The following C9orf152 variants were observed in gnomAD, a reference collection of about 807,000 sequenced individuals.
The protein encoded by C9orf152 is chromosome 9 open reading frame 152.
In C9orf152, 8 loss-of-function variants were observed where a neutral mutation model predicts 8.5. That is an observed-to-expected ratio of 0.94 (90% confidence interval 0.55 to 1.70). The LOEUF (loss-of-function observed/expected upper bound fraction) is 1.70, where lower values mean the gene tolerates loss of function less well. Ranked by LOEUF, C9orf152 falls within the 40% of genes most tolerant of loss-of-function variation. The pLI is 0.00. For missense variants in C9orf152, 293 were observed against 286.2 expected, an observed-to-expected ratio of 1.02 and a Z score of -0.17; for synonymous variants, 109 against 113.0, an observed-to-expected ratio of 0.96 and a Z score of 0.22.
rs2118497120 is a variant in C9orf152, at chr9:110,201,046, G to A, written c.622C>T (p.His208Tyr). 2 of 1,614,232 alleles carry A rather than the reference G, an allele frequency of 1.2e-6. No homozygotes were observed. The highest frequency in any genetic ancestry group is 2.2e-5 in the East Asian group (1 of 44,888). Residue 208 changes from histidine to tyrosine, a missense_variant, in exon 2 of 2, where the codon CAC (histidine) becomes TAC (tyrosine). By Grantham distance (83) the His-to-Tyr change is moderately conservative. Transcript: ENST00000400613. ...TAGTAAGCTGGTTTGCCAGACCTGT[G>A]TGGGTTCTTTATGGAAAGAGGACAT... Reference protein sequence around the residue: ...TQCPLSIKNPHRSGKPAYYPF... With the variant: ...TQCPLSIKNPYRSGKPAYYPF...
rs76016983 is a variant in C9orf152, at chr9:110,201,523, G to A, written c.194-49C>T. On this transcript the variant is annotated intron_variant, in intron 1 of 1. Transcript: ENST00000400613. ...GGTCATCACTGGAAGGGACAGGGGC[G>A]GCTCTCACTTAGGGGGTCTCATTGC... 1.4e-3 allele frequency: 1,993 copies of A among 1,463,002 alleles called. 22 individuals carry two copies. The African/African-American group carries it at 0.024, about 17-fold the overall frequency. 90.6% of individuals were successfully genotyped at this position (1,463,002 alleles called of 1,614,324 possible).
intron 1 of C9orf152, among the ~76,000 whole-genome samples, chr9:110,202,584 T>C (rs1837235376): frequency 6.6e-6 from 1 of 152,162 alleles, no homozygotes; most frequent in East Asian, 1.9e-4. Flanking sequence ...CTTTTCTTTC[T>C]TGGGGACTTT....
intron 1 of C9orf152, among the ~76,000 whole-genome samples, chr9:110,205,058 A>C (rs1327959320): frequency 1.3e-5 from 2 of 151,956 alleles, no homozygotes; most frequent in African/African-American, 4.8e-5. Flanking sequence ...GTATTCCAGA[A>C]CTCTAATTTT....
chr9:110,202,010 C>T (rs527520145), intron 1 of C9orf152, among the ~76,000 whole-genome samples: 131 of 152,278 alleles, frequency 8.6e-4, no homozygotes, highest in African/African-American at 3.1e-3. Flanking sequence ...TGTGGGTTCA[C>T]ATATTCTCAC....
intron 1 of C9orf152, among the ~76,000 whole-genome samples, chr9:110,204,831 A>T (rs1345745925): frequency 6.6e-6 from 1 of 151,712 alleles, no homozygotes; most frequent in Non-Finnish European, 1.5e-5. Flanking sequence ...AAATATGACT[A>T]CTCTACATAC....
chr9:110,200,926 A>G lies in C9orf152; in HGVS notation c.*22T>C, dbSNP rs1837208841. The G allele has an allele frequency of 6.4e-7, 1 of 1,570,556 alleles. No individual in the cohort carries two copies. ...GGCCATAGGTGGCCTCAAGGTCAAG[A>G]CATCTGGCAGAATAGAAAGCTTCAC... On this transcript the variant is annotated 3_prime_UTR_variant, in exon 2 of 2. Coordinates refer to ENST00000400613, the MANE Select transcript of C9orf152 (RefSeq NM_001012993.3).
In C9orf152 at chr9:110,207,536, C is replaced by T; in HGVS notation, c.44G>A (p.Trp15Ter). 6.2e-7 allele frequency: 1 copy of T among 1,607,630 alleles called. No individual in the cohort carries two copies. The highest frequency in any genetic ancestry group is 1.1e-5 in the South Asian group (1 of 89,964). The change falls in exon 1 of 2, where the codon TGG (tryptophan) becomes TAG (stop). Residue 15 changes from tryptophan (W) to a stop codon, truncating the protein, a stop_gained. Transcript: ENST00000400613. LOFTEE classifies it high-confidence loss of function. ...PCPCPALPHF[W>*]QLRSHLMAEG... The stretch of plus-strand genomic sequence containing the variant: ...AGCCATTAAGTGAGACCTAAGCTGC[C>T]AGAAGTGGGGCAGGGCTGGGCACGG...
chr9:110,207,571 C>T lies in C9orf152; in HGVS notation c.9G>A (p.Gly3=), dbSNP rs775114332. ME[G]LPCPCPALPH... ...GCAGGGCTGGGCACGGGCAGGGCAA[C>T]CCCTCCATCCGGATCCGGGAGAAAA... Residue 3 remains glycine, a synonymous_variant, in exon 1 of 2, where the codon GGG becomes GGA. Transcript: ENST00000400613. 6.3e-7 allele frequency: 1 copy of T among 1,587,216 alleles called. No individual in the cohort carries two copies. The highest frequency in any genetic ancestry group is 1.4e-5 in the African/African-American group (1 of 73,192).
chr9:110,206,241 G>A (rs540091107), intron 1 of C9orf152, among the ~76,000 whole-genome samples: 22 of 152,248 alleles, frequency 1.4e-4, no homozygotes, highest in Middle Eastern at 6.8e-3. Context: ...GAGAAAGGAC[G>A]AGCACAGGGT....
In C9orf152 at chr9:110,201,078, C is replaced by G. The variant is rs1218425859; in HGVS notation, c.590G>C (p.Ser197Thr). 1 of 1,614,222 alleles carries G rather than the reference C, an allele frequency of 6.2e-7. No homozygotes were observed. Among genetic ancestry groups the G allele is most frequent in the Non-Finnish European group, 8.5e-7 (1 of 1,180,048 alleles). Residue 197 changes from serine (S) to threonine (T), a missense_variant, in exon 2 of 2, where the codon AGC becomes ACC. Transcript: ENST00000400613. ...TKAVESGLKFSTQCPLSIKNP... is the reference protein window; with the variant it reads ...TKAVESGLKFTTQCPLSIKNP... ...CTTTATGGAAAGAGGACATTGAGTGCTGAATTTTAAGCCAGATTCCACTGC... is the reference window on the plus strand; with the variant it reads ...CTTTATGGAAAGAGGACATTGAGTGGTGAATTTTAAGCCAGATTCCACTGC...
In C9orf152 at chr9:110,201,341, G is replaced by A. The variant is rs1160496767; in HGVS notation, c.327C>T (p.Cys109=). ...GCCATGGAGACTTGGGGGCCTGAAG[G>A]CAGCCCTGGGCAGCCTCCTCCAGCC... ...EGRLEEAAQG[C]LQAPKSPWHT... is the part of the protein sequence containing the mutation. The change falls in exon 2 of 2, where the codon TGC becomes TGT. Residue 109 remains cysteine (C), a synonymous_variant. Transcript: ENST00000400613. 6.2e-7 allele frequency: 1 copy of A among 1,609,338 alleles called. No homozygotes were observed. Among genetic ancestry groups the A allele is most frequent in the Non-Finnish European group, 8.5e-7 (1 of 1,177,670 alleles).
Position 110,207,347 on chromosome 9 carries a change from A to G in C9orf152, c.193+40T>C, listed in dbSNP as rs749368939. 17 of 1,591,004 alleles carry G rather than the reference A, an allele frequency of 1.1e-5. No individual in the cohort carries two copies. The South Asian group carries it at 1.3e-4, about 12-fold the overall frequency. Reference sequence around the variant, plus strand: ...TGCAGCTCTGCCACTCAGGTCTCCCATGGTAAGTCTCTCCTTCCCCAGCAC... The same window carrying G: ...TGCAGCTCTGCCACTCAGGTCTCCCGTGGTAAGTCTCTCCTTCCCCAGCAC... On this transcript the variant is annotated intron_variant, in intron 1 of 1. Transcript: ENST00000400613.
rs927646584 is a variant in C9orf152 at position 110,207,862 on chromosome 9, G to T, written c.-283C>A. 28 of 394,604 alleles carry T rather than the reference G, an allele frequency of 7.1e-5. No individual in the cohort carries two copies. The highest frequency in any genetic ancestry group is 6.4e-4 in the Middle Eastern group (1 of 1,572). The allele number at this position is 394,604 out of a possible 1,614,324, so 24.4% of individuals were successfully genotyped here. ...AAAGAAGGGGCAGCGAAGGGGGAAAGACTGGAGGAAGGAGGTGATAGTGAC... is the reference window on the plus strand; with the variant it reads ...AAAGAAGGGGCAGCGAAGGGGGAAATACTGGAGGAAGGAGGTGATAGTGAC... On this transcript the variant is annotated 5_prime_UTR_variant, in exon 1 of 2. Transcript: ENST00000400613.
chr9:110,201,755 C>A (rs950100946), intron 1 of C9orf152, among the ~76,000 whole-genome samples: 6 of 152,112 alleles, frequency 3.9e-5, no homozygotes, highest in Non-Finnish European at 8.8e-5. Context: ...TATTCTAGGT[C>A]CTGGGAATAC....
chr9:110,208,024 G>A lies in C9orf152; in HGVS notation c.-445C>T, dbSNP rs971469171. On this transcript the variant is annotated 5_prime_UTR_variant, in exon 1 of 2. Coordinates refer to ENST00000400613, the MANE Select transcript of C9orf152 (RefSeq NM_001012993.3). ...ACTGGGGGAGCAAAGAGAAAGGCAA[G>A]CCCAGCTGCTCAGAGCCCTTCAGGG... is the stretch of plus-strand genomic sequence containing the variant. 6 of 178,846 alleles carry A rather than the reference G, an allele frequency of 3.4e-5. No homozygotes were observed. The highest frequency in any genetic ancestry group is 5.8e-5 in the Non-Finnish European group (5 of 86,836). The allele number at this position is 178,846 out of a possible 1,614,324, so 11.1% of individuals were successfully genotyped here. A position where few individuals can be genotyped will look rare whatever the true frequency, so the allele number is the denominator to read the frequency against.
intron 1 of C9orf152, among the ~76,000 whole-genome samples, chr9:110,204,691 T>C (rs1258805926): frequency 2.6e-5 from 4 of 152,222 alleles, no homozygotes; most frequent in Non-Finnish European, 5.9e-5. Context: ...GTTCAGTACA[T>C]TCACATTGTG....
chr9:110,205,899 A>G (rs1328720045), intron 1 of C9orf152, among the ~76,000 whole-genome samples: 1 of 152,120 alleles, frequency 6.6e-6, no homozygotes, highest in African/African-American at 2.4e-5. Context: ...ACTAAAAAAA[A>G]TACAAAAATT....
At chr9:110,202,909 A>G (rs2118500578) in intron 1 of C9orf152, among the ~76,000 whole-genome samples, 1 of 149,854 alleles carries the variant, frequency 6.7e-6, no homozygotes, top group East Asian at 2.0e-4. Context: ...GCCAACAATT[A>G]CTCTCCTGTC....
chr9:110,200,792 T>G lies in C9orf152; in HGVS notation c.*156A>C. ...TCTTCTTATTGGAAGGGTAAAACCATGTTACCATTGTGAAGTTCGTCTCCC... is the reference window on the plus strand; with the variant it reads ...TCTTCTTATTGGAAGGGTAAAACCAGGTTACCATTGTGAAGTTCGTCTCCC... On this transcript the variant is annotated 3_prime_UTR_variant, in exon 2 of 2. Transcript: ENST00000400613. 2 of 765,830 alleles carry G rather than the reference T, an allele frequency of 2.6e-6. No individual in the cohort carries two copies. The highest frequency in any genetic ancestry group is 4.2e-6 in the Non-Finnish European group (2 of 479,148). The allele number at this position is 765,830 out of a possible 1,614,324, so 47.4% of individuals were successfully genotyped here.
Sources: allele counts gnomAD v4.1 joint callset (sites outside exome capture counted in the v4.1 genomes callset), GRCh38; gene constraint gnomAD v4.1.1; transcripts MANE v1.5; gene names NCBI Gene and HGNC (gene_info 2026-07-23, HGNC 2026-07-21).